NRG1: variants seen among roughly 807,000 people sequenced by gnomAD.
NRG1 encodes neuregulin 1.
A neutral mutation model predicts 63.8 loss-of-function variants in NRG1; 18 were observed. The observed-to-expected ratio is 0.28, with a 90% CI of 0.19 to 0.42. NRG1 has a LOEUF of 0.42. Ranked by LOEUF, NRG1 falls within the 10% of genes least tolerant of loss-of-function variation. The pLI is 1.00. For missense variants in NRG1, 762 were observed against 814.7 expected, an observed-to-expected ratio of 0.94 and a Z score of 0.79; for synonymous variants, 302 against 301.3, an observed-to-expected ratio of 1.00 and a Z score of -0.02.
chr8:31,874,385 G>A (rs558023540), intron 1 of NRG1, among the ~76,000 whole-genome samples: 1 of 152,228 alleles, frequency 6.6e-6, no homozygotes, highest in East Asian at 1.9e-4. Flanking sequence ...GAAGATTTGA[G>A]GCATAGTGTA....
At chr8:32,235,936 A>T (rs1296889664) in intron 1 of NRG1, among the ~76,000 whole-genome samples, 1 of 152,206 alleles carries the variant, frequency 6.6e-6, no homozygotes, top group Non-Finnish European at 1.5e-5. Flanking sequence ...TTAATGTTTG[A>T]TGACCGTTGA....
intron 1 of NRG1, among the ~76,000 whole-genome samples, chr8:31,814,531 C>G (rs1823247717): frequency 6.6e-6 from 1 of 152,026 alleles, no homozygotes; most frequent in South Asian, 2.1e-4. Flanking sequence ...TTCGTAGAAT[C>G]AGATGAATAA....
chr8:32,109,242 TATC>T (rs1258300811), intron 1 of NRG1, among the ~76,000 whole-genome samples: 6 of 152,164 alleles, frequency 3.9e-5, no homozygotes, highest in African/African-American at 1.4e-4. Flanking sequence ...CATGCACACA[TATC>T]ATTCATTCTC....
chr8:32,020,368 T>C (rs1234810035), intron 1 of NRG1, among the ~76,000 whole-genome samples: 2 of 152,238 alleles, frequency 1.3e-5, no homozygotes, highest in Non-Finnish European at 2.9e-5. Flanking sequence ...ACCTTACTAA[T>C]TTCCCTTATT....
At chr8:32,207,839 G>C (rs1844237504) in intron 1 of NRG1, among the ~76,000 whole-genome samples, 1 of 152,132 alleles carries the variant, frequency 6.6e-6, no homozygotes, top group Non-Finnish European at 1.5e-5. Context: ...TAGCCCATTA[G>C]AATAATGTGT....
chr8:32,324,953 T>C (rs1801823686), intron 1 of NRG1, among the ~76,000 whole-genome samples: 2 of 152,196 alleles, frequency 1.3e-5, no homozygotes, highest in African/African-American at 4.8e-5. Flanking sequence ...AATGATATTA[T>C]GTATTTTGTA....
At chr8:31,962,544 G>A (rs1805627864) in intron 1 of NRG1, among the ~76,000 whole-genome samples, 1 of 152,102 alleles carries the variant, frequency 6.6e-6, no homozygotes, top group African/African-American at 2.4e-5. Flanking sequence ...GAGAATTGAA[G>A]TATGGAATAA....
At chr8:32,572,783 T>A (rs1019701368) in intron 1 of NRG1, among the ~76,000 whole-genome samples, 1 of 152,146 alleles carries the variant, frequency 6.6e-6, no homozygotes, top group African/African-American at 2.4e-5. Context: ...CTGATAACTG[T>A]CCTCACCCAA....
chr8:31,640,131 G>A lies in NRG1; in HGVS notation c.37+700G>A. ...CCGCGGCCCTGGCGCCGGGGGCGGC[G>A]GCCGGCAACGAGGCGGCTCCCGCGG... On this transcript the variant is annotated intron_variant, in intron 1 of 10. Coordinates refer to the NRG1 transcript ENST00000519301. The surrounding 1 kb of genome is among the most constrained non-coding windows in gnomAD (Gnocchi z 6.3). 1 of 1,160,132 alleles carries A rather than the reference G, an allele frequency of 8.6e-7. No individual in the cohort carries two copies. The highest frequency in any genetic ancestry group is 1.1e-6 in the Non-Finnish European group (1 of 942,682). The allele number at this position is 1,160,132 out of a possible 1,614,324, so 71.9% of individuals were successfully genotyped here.
At position 32,763,350 on chromosome 8, in the gene NRG1, C is replaced by T. The variant is rs766010236; in HGVS notation, c.1260-398C>T. ...GCTTCATTCTCTAAGACCCCTTGGC[C>T]TTTAGGAAGGTATAGTATTTAAGTA... is the stretch of plus-strand genomic sequence containing the variant. On this transcript the variant is annotated intron_variant, in intron 11 of 11. Coordinates refer to ENST00000356819, the Ensembl canonical transcript of NRG1. 19 of 1,613,876 alleles carry T rather than the reference C, an allele frequency of 1.2e-5. No individual in the cohort carries two copies. In the South Asian group the frequency reaches 2.1e-4, roughly 18 times the overall value.
Position 32,576,859 on chromosome 8 carries a change from G to C in NRG1, c.101-18969G>C, listed in dbSNP as rs1017062355. On this transcript the variant is annotated intron_variant, in intron 1 of 11. Coordinates refer to ENST00000356819, the Ensembl canonical transcript of NRG1. Reference sequence around the variant, plus strand: ...TTTTATATTCAACCTACGTATGCAAGTTTGTCATATGAGTGATATTGCGTG... The same window carrying C: ...TTTTATATTCAACCTACGTATGCAACTTTGTCATATGAGTGATATTGCGTG... Among the ~76,000 whole-genome samples the C allele has an allele frequency of 2.0e-5, 3 of 151,882 alleles. No homozygotes were observed. The East Asian group carries it at 5.8e-4, about 29-fold the overall frequency.
At chr8:32,405,079 C>A (rs1407158288) in intron 1 of NRG1, among the ~76,000 whole-genome samples, 2 of 152,154 alleles carry the variant, frequency 1.3e-5, no homozygotes, top group African/African-American at 4.8e-5. Flanking sequence ...TGCAATGGGG[C>A]ACCATACAGA....
chr8:32,067,599 T>C (rs1825066584), intron 1 of NRG1, among the ~76,000 whole-genome samples: 1 of 152,162 alleles, frequency 6.6e-6, no homozygotes, highest in South Asian at 2.1e-4. Context: ...GCCAGTATTT[T>C]ATGGCCGTCA....
At position 31,836,450 on chromosome 8, in the gene NRG1, G is replaced by A. The variant is rs75759273; in HGVS notation, c.37+197019G>A. ...TAGCCATTGATTCCCCTCTCCAAAG[G>A]GATCAGTAATAGTTTCTTTGTGTAT... On this transcript the variant is annotated intron_variant, in intron 1 of 10. Coordinates refer to the NRG1 transcript ENST00000519301. Among the ~76,000 whole-genome samples the A allele has an allele frequency of 8.9e-3, 1,354 of 151,996 alleles. 31 individuals carry two copies. The highest frequency in any genetic ancestry group is 0.032 in the African/African-American group (1,313 of 41,476).
At chr8:32,293,718 C>CTTTTTTTT (rs770993591) in intron 1 of NRG1, among the ~76,000 whole-genome samples, 23 of 108,244 alleles carry the variant, frequency 2.1e-4, no homozygotes, top group African/African-American at 4.1e-4. Flanking sequence ...TTTTCTTCTT[C>CTTTTTTTT]TTTTTTTTTT....
At chr8:31,839,507 A>C (rs1825993433) in intron 1 of NRG1, among the ~76,000 whole-genome samples, 1 of 152,240 alleles carries the variant, frequency 6.6e-6, no homozygotes, top group East Asian at 1.9e-4. Flanking sequence ...AGGAGAATGG[A>C]GTCTAGCCGT....
intron 1 of NRG1, among the ~76,000 whole-genome samples, chr8:32,288,814 T>C (rs886079999): frequency 1.3e-5 from 2 of 152,188 alleles, no homozygotes; most frequent in African/African-American, 4.8e-5. Context: ...CTTGAATCAC[T>C]CACTAGCAGG....
At chr8:32,244,095 T>C (rs62497574) in intron 1 of NRG1, among the ~76,000 whole-genome samples, 3,943 of 152,302 alleles carry the variant, frequency 0.026, 112 homozygotes, top group African/African-American at 0.069. Flanking sequence ...CCATTGGTAG[T>C]GCTCAGCAAT....
intron 1 of NRG1, among the ~76,000 whole-genome samples, chr8:32,041,632 A>G (rs1820054769): frequency 6.6e-6 from 1 of 152,220 alleles, no homozygotes; most frequent in African/African-American, 2.4e-5. Context: ...TAAAGCTCTC[A>G]GGACGAGAAA....
Sources: gnomAD v4.1 joint callset for allele counts (sites outside exome capture counted in the v4.1 genomes callset) on GRCh38, gnomAD v4.1.1 for gene constraint, Gnocchi (gnomAD v3.1) non-coding constraint, MANE v1.5 for transcripts, NCBI Gene and HGNC (gene_info 2026-07-23, HGNC 2026-07-21) for gene names.